KSR2: variants seen among roughly 807,000 people sequenced by gnomAD.
KSR2 encodes kinase suppressor of ras 2.
A neutral mutation model predicts 107.8 loss-of-function variants in KSR2; 25 were observed. That is an observed-to-expected ratio of 0.23 (90% CI 0.17 to 0.32). The LOEUF is 0.32. KSR2 is among the 10% of genes least tolerant of loss of function. KSR2 has a pLI of 1.00. For missense variants in KSR2, 887 were observed against 1,268.9 expected (o/e 0.70, Z 4.57); for synonymous variants, 480 against 507.0 (o/e 0.95, Z 0.71).
chr12:117,839,240 T>C (rs1303698660), intron 3 of KSR2, among the ~76,000 whole-genome samples: 1 of 152,220 alleles, frequency 6.6e-6, no homozygotes, highest in Non-Finnish European at 1.5e-5. Context: ...ACAGTTCATT[T>C]GTTCGTTAAT....
chr12:117,858,597 G>A (rs1178656729), intron 2 of KSR2, among the ~76,000 whole-genome samples: 1 of 152,214 alleles, frequency 6.6e-6, no homozygotes, highest in Non-Finnish European at 1.5e-5. Context: ...GAAGCAGGGA[G>A]CGCCTCGAGA....
At chr12:117,489,513 A>G (rs540294961) in intron 14 of KSR2, among the ~76,000 whole-genome samples, 71 of 150,418 alleles carry the variant, frequency 4.7e-4, no homozygotes, top group Non-Finnish European at 9.5e-4. Flanking sequence ...CACCACCACA[A>G]TCCAGCCTGG....
chr12:117,793,191 C>G (rs1369218336), intron 3 of KSR2, among the ~76,000 whole-genome samples: 2 of 142,840 alleles, frequency 1.4e-5, no homozygotes, highest in Non-Finnish European at 3.0e-5. Flanking sequence ...CCAATGTGCA[C>G]ACATACACAC....
intron 14 of KSR2, among the ~76,000 whole-genome samples, chr12:117,523,897 G>A (rs528297973): frequency 8.6e-5 from 13 of 151,142 alleles, no homozygotes; most frequent in South Asian, 2.1e-4. Context: ...GCTTGAACCC[G>A]GGAGGTGGAG....
Position 117,471,242 on chromosome 12 carries a change from G to C in KSR2, c.2661C>G (p.Gly887=). The change falls in exon 18 of 20, where the codon GGC becomes GGG. Residue 887 remains glycine, a synonymous_variant. Coordinates refer to ENST00000339824, the MANE Select transcript of KSR2 (RefSeq NM_173598.6). The part of the protein sequence containing the change: ...QPAEAIIWQM[G]TGMKPNLSQI... Reference sequence around the variant, plus strand: ...GGCTGAGGTTGGGTTTCATGCCTGTGCCCATTTGCCAGATTATTGCCTCTG... The same window carrying C: ...GGCTGAGGTTGGGTTTCATGCCTGTCCCCATTTGCCAGATTATTGCCTCTG... 1 of 1,613,736 alleles carries C rather than the reference G, an allele frequency of 6.2e-7. No individual in the cohort carries two copies. Among genetic ancestry groups the C allele is most frequent in the South Asian group, 1.1e-5 (1 of 91,060 alleles).
At chr12:117,705,083 T>G (rs1886470444) in intron 4 of KSR2, among the ~76,000 whole-genome samples, 1 of 152,152 alleles carries the variant, frequency 6.6e-6, no homozygotes, top group Admixed American at 6.5e-5. Context: ...GGCCAGGGCC[T>G]GCCTCCAAGG....
At chr12:117,623,128 T>C (rs1173409370) in intron 5 of KSR2, among the ~76,000 whole-genome samples, 1 of 152,254 alleles carries the variant, frequency 6.6e-6, no homozygotes, top group African/African-American at 2.4e-5. Context: ...AATTTGATAA[T>C]GTGCTTCGCA....
At chr12:117,688,710 G>C (rs1031067378) in intron 4 of KSR2, among the ~76,000 whole-genome samples, 1 of 152,166 alleles carries the variant, frequency 6.6e-6, no homozygotes, top group African/African-American at 2.4e-5. Flanking sequence ...TGTGCCAGAA[G>C]CAAGAAGAAA....
At chr12:117,793,987 TACACCAACATGCACAC>T (rs1369297499) in intron 3 of KSR2, among the ~76,000 whole-genome samples, 24 of 72,354 alleles carry the variant, frequency 3.3e-4, no homozygotes, top group East Asian at 2.5e-3. Flanking sequence ...CATGCACACA[TACACCAACATGCACAC>T]ACACCAACAT....
rs570407473 is a variant in KSR2 at position 117,876,191 on chromosome 12, T to C, written c.181-15760A>G. ...CTTCCCGCCGTTGCCAGGGCGACCA[T>C]TGTCATAACATCCCTGGCGCTTGGC... On this transcript the variant is annotated intron_variant, in intron 1 of 19. Coordinates refer to ENST00000339824, the MANE Select transcript of KSR2 (RefSeq NM_173598.6). Among the ~76,000 whole-genome samples, 4 of 152,312 alleles carry C rather than the reference T, an allele frequency of 2.6e-5. No individual in the cohort carries two copies. The East Asian group carries it at 5.8e-4, about 22-fold the overall frequency.
chr12:117,877,785 C>G (rs1056340879), intron 1 of KSR2, among the ~76,000 whole-genome samples: 1 of 152,122 alleles, frequency 6.6e-6, no homozygotes, highest in African/African-American at 2.4e-5. Flanking sequence ...AGCAAGATCA[C>G]CTGGGGAGCT....
At chr12:117,620,839 C>G (rs1882156129) in intron 5 of KSR2, among the ~76,000 whole-genome samples, 1 of 152,156 alleles carries the variant, frequency 6.6e-6, no homozygotes, top group African/African-American at 2.4e-5. Flanking sequence ...TCTGGGAAAG[C>G]AGGGAGAGAC....
intron 4 of KSR2, among the ~76,000 whole-genome samples, chr12:117,734,267 C>G (rs1286488240): frequency 8.0e-6 from 1 of 125,000 alleles, no homozygotes; most frequent in Non-Finnish European, 1.6e-5. Context: ...GGCAATAGAG[C>G]GAGACTCTGT....
intron 4 of KSR2, among the ~76,000 whole-genome samples, chr12:117,710,962 T>C (rs1350315745): frequency 6.6e-6 from 1 of 152,190 alleles, no homozygotes; most frequent in African/African-American, 2.4e-5. Context: ...ACTTGGCTCA[T>C]GTCTACAATC....
At position 117,744,484 on chromosome 12, in the gene KSR2, T is replaced by G. The variant is rs974474970; in HGVS notation, c.986+16527A>C. On this transcript the variant is annotated intron_variant, in intron 4 of 19. Coordinates refer to ENST00000339824, the MANE Select transcript of KSR2 (RefSeq NM_173598.6). ...TTCCCCAAGAAAGGAAAGGAATGCC[T>G]GAATTAAAGCCCGATAAGAGATTCT... 7.9e-5 allele frequency among the ~76,000 whole-genome samples: 12 copies of G among 152,106 alleles called. 1 individual carries two copies. Among genetic ancestry groups the G allele is most frequent in the South Asian group, 6.2e-4 (3 of 4,826 alleles).
chr12:117,467,718 A>G (rs1383753091), intron 19 of KSR2: 2 of 394,120 alleles, frequency 5.1e-6, no homozygotes. Flanking sequence ...TGCTATGAGC[A>G]GACTTTGATG....
chr12:117,913,076 C>A, intron 1 of KSR2, among the ~76,000 whole-genome samples: 1 of 152,274 alleles, frequency 6.6e-6, no homozygotes, highest in South Asian at 2.1e-4. Flanking sequence ...ACAGGGAAAC[C>A]GTGACATCTC....
chr12:117,754,467 G>A (rs573598594), intron 4 of KSR2, among the ~76,000 whole-genome samples: 9 of 152,022 alleles, frequency 5.9e-5, no homozygotes, highest in African/African-American at 1.9e-4. Flanking sequence ...GTGAAATCCC[G>A]TCTCTACTAA....
intron 5 of KSR2, among the ~76,000 whole-genome samples, chr12:117,618,877 A>C (rs190985302): frequency 5.3e-5 from 8 of 152,262 alleles, no homozygotes; most frequent in Admixed American, 5.2e-4. Flanking sequence ...AAACGGACTA[A>C]TACGTGGCCA....
Sources: gnomAD v4.1 joint callset for allele counts (sites outside exome capture counted in the v4.1 genomes callset) on GRCh38, gnomAD v4.1.1 for gene constraint, MANE v1.5 for transcripts, NCBI Gene and HGNC (gene_info 2026-07-23, HGNC 2026-07-21) for gene names.